ZC3H12B: variants seen among roughly 807,000 people sequenced by gnomAD.
ZC3H12B encodes zinc finger CCCH-type containing 12B.
ZC3H12B carries 7 observed loss-of-function variants against 43.9 expected under a neutral mutation model. That is an observed-to-expected ratio of 0.16 (90% CI 0.09 to 0.30). The LOEUF is 0.30. ZC3H12B is among the 10% of genes least tolerant of loss of function. The pLI is 1.00. For synonymous variants in ZC3H12B, 222 were observed against 241.7 expected (o/e 0.92, Z 0.76); for missense variants, 475 against 670.2 (o/e 0.71, Z 3.22).
the ZC3H12B span, among the ~76,000 whole-genome samples, chrX:65,173,354 A>C: frequency 8.9e-6 from 1 of 111,918 alleles, no homozygotes; most frequent in African/African-American, 3.2e-5. Context: ...ATATAACATC[A>C]TGTCTTCTGC....
intron 2 of ZC3H12B, among the ~76,000 whole-genome samples, chrX:65,378,792 C>G (rs930829204): frequency 6.2e-5 from 7 of 112,464 alleles, no homozygotes; most frequent in Non-Finnish European, 1.3e-4. Context: ...TTGCCTCACT[C>G]GGGAAGTGCA....
At chrX:65,166,310 T>C in the ZC3H12B span, among the ~76,000 whole-genome samples, 1 of 111,267 alleles carries the variant, frequency 9.0e-6, no homozygotes, top group African/African-American at 3.3e-5. Context: ...TTTTCTGTCC[T>C]TGCGATAGTT....
intron 3 of ZC3H12B, among the ~76,000 whole-genome samples, chrX:65,406,776 C>T (rs1305323177): frequency 8.9e-6 from 1 of 112,442 alleles, no homozygotes; most frequent in African/African-American, 3.2e-5. Context: ...GTACTCTGTG[C>T]TCTGCGTCCC....
At chrX:65,243,392 A>G in the ZC3H12B span, among the ~76,000 whole-genome samples, 87 of 112,158 alleles carry the variant, frequency 7.8e-4, no homozygotes, top group African/African-American at 2.5e-3. Context: ...TATCACAGAA[A>G]TGCAAATGAA....
the ZC3H12B span, among the ~76,000 whole-genome samples, chrX:65,097,879 A>T: frequency 9.0e-6 from 1 of 111,629 alleles, no homozygotes; most frequent in Non-Finnish European, 1.9e-5. Context: ...TTTAGCCTTA[A>T]TACAATTCTT....
At chrX:65,439,798 G>T (rs766434959) in intron 3 of ZC3H12B, among the ~76,000 whole-genome samples, 7 of 111,291 alleles carry the variant, frequency 6.3e-5, no homozygotes, top group African/African-American at 2.3e-4. Flanking sequence ...CTGTCCTTAG[G>T]TGGGTGGCTG....
At chrX:65,127,707 C>T in the ZC3H12B span, among the ~76,000 whole-genome samples, 37 of 110,587 alleles carry the variant, frequency 3.3e-4, no homozygotes, top group African/African-American at 5.9e-4. Context: ...GTGGCTGCTG[C>T]GGAGGATGGG....
chrX:65,079,889 G>T, the ZC3H12B span, among the ~76,000 whole-genome samples: 1 of 110,486 alleles, frequency 9.1e-6, no homozygotes, highest in Non-Finnish European at 1.9e-5. Context: ...AAACCACCAG[G>T]GGCTAATCCC....
At chrX:65,043,804 A>T in the ZC3H12B span, among the ~76,000 whole-genome samples, 5 of 112,324 alleles carry the variant, frequency 4.5e-5, no homozygotes, top group Admixed American at 9.5e-5. Context: ...TGAAGAACAA[A>T]TAATTAATTT....
chrX:65,472,329 T>C (rs1056482381), intron 3 of ZC3H12B, among the ~76,000 whole-genome samples: 3 of 111,842 alleles, frequency 2.7e-5, no homozygotes, highest in Non-Finnish European at 5.6e-5. Context: ...TTTCTCCTTT[T>C]CTTTAGGTTG....
chrX:65,288,236 A>G, the ZC3H12B span, among the ~76,000 whole-genome samples: 1 of 111,148 alleles, frequency 9.0e-6, no homozygotes, highest in Non-Finnish European at 1.9e-5. Context: ...TGTACAAAGA[A>G]CTTATACCAA....
At chrX:65,477,119 C>G (rs746279308) in intron 3 of ZC3H12B, among the ~76,000 whole-genome samples, 4 of 108,789 alleles carry the variant, frequency 3.7e-5, no homozygotes, top group African/African-American at 1.3e-4. Flanking sequence ...CAGACGTGAG[C>G]CACCATGAAC....
chrX:65,085,313 C>T, the ZC3H12B span, among the ~76,000 whole-genome samples: 2 of 110,962 alleles, frequency 1.8e-5, no homozygotes, highest in South Asian at 7.6e-4. Context: ...AGATGGATGC[C>T]CTATTCTCTT....
At chrX:65,128,426 C>G in the ZC3H12B span, among the ~76,000 whole-genome samples, 1 of 111,568 alleles carries the variant, frequency 9.0e-6, no homozygotes, top group Non-Finnish European at 1.9e-5. Context: ...GGAAAACACC[C>G]TTGGTATGAT....
chrX:65,129,260 TA>T, the ZC3H12B span, among the ~76,000 whole-genome samples: 1 of 88,751 alleles, frequency 1.1e-5, no homozygotes, highest in African/African-American at 7.3e-5. Context: ...TATATATGTA[TA>T]TATATATATA....
chrX:65,409,962 C>T (rs2066883389), intron 3 of ZC3H12B, among the ~76,000 whole-genome samples: 2 of 110,380 alleles, frequency 1.8e-5, no homozygotes, highest in Admixed American at 1.9e-4. Flanking sequence ...GAAAAAAATG[C>T]TAAAATTTAT....
chrX:65,178,053 A>G, the ZC3H12B span, among the ~76,000 whole-genome samples: 8 of 112,295 alleles, frequency 7.1e-5, no homozygotes, highest in East Asian at 2.2e-3. Flanking sequence ...TGGTACTGGT[A>G]CAAAAGCAGA....
exon 5 of ZC3H12B, chrX:65,502,188 C>T: frequency 2.5e-6 from 3 of 1,211,437 alleles, no homozygotes; most frequent in Non-Finnish European, 3.4e-6. Flanking sequence ...GTGCCAGGAT[C>T]CTCCCATTTC....
At chrX:65,326,596 T>C in the ZC3H12B span, among the ~76,000 whole-genome samples, 1 of 109,302 alleles carries the variant, frequency 9.1e-6, no homozygotes, top group Non-Finnish European at 1.9e-5. Context: ...GTTAGATAGA[T>C]TGTCAGCATG....
Sources: gnomAD v4.1 joint callset for allele counts (sites outside exome capture counted in the v4.1 genomes callset) on GRCh38, gnomAD v4.1.1 for gene constraint, MANE v1.5 for transcripts, NCBI Gene and HGNC (gene_info 2026-07-23, HGNC 2026-07-21) for gene names.